The following SVBP variants were observed in gnomAD, a reference collection of about 807,000 sequenced individuals.
SVBP encodes the protein small vasohibin binding protein.
A neutral mutation model predicts 9.2 loss-of-function variants in SVBP; 9 were observed. That is an observed-to-expected ratio of 0.98 (90% CI 0.59 to 1.71). The LOEUF (loss-of-function observed/expected upper bound fraction) is 1.71, where lower values mean the gene tolerates loss of function less well. Among genes scored for constraint, SVBP ranks in the 40% most tolerant of loss-of-function variants. The pLI is 0.00. For synonymous variants in SVBP, 27 were observed against 23.9 expected, an observed-to-expected ratio of 1.13 and a Z score of -0.37; for missense variants, 63 against 73.2, an observed-to-expected ratio of 0.86 and a Z score of 0.51.
At chr1:42,810,436 G>A (rs1455639585) in intron 2 of SVBP, among the ~76,000 whole-genome samples, 1 of 152,132 alleles carries the variant, frequency 6.6e-6, no homozygotes, top group East Asian at 1.9e-4. Flanking sequence ...GTGAGCCACT[G>A]TGCCCGGGCC....
chr1:42,814,202 C>G (rs1325979325), intron 2 of SVBP, among the ~76,000 whole-genome samples: 1 of 129,792 alleles, frequency 7.7e-6, no homozygotes, highest in African/African-American at 3.1e-5. Context: ...CTGCCTCAGC[C>G]TCCCGAGTAG....
chr1:42,815,345 T>C (rs1654175487), intron 2 of SVBP, among the ~76,000 whole-genome samples: 1 of 150,818 alleles, frequency 6.6e-6, no homozygotes, highest in Non-Finnish European at 1.5e-5. Context: ...TGTGCACAGG[T>C]ACCCTAGAAC....
In SVBP at chr1:42,817,258, TC is replaced by T. The variant is rs1220887963; in HGVS notation, c.-106del. ...GCAGACAACGCCTCCGGGAGGGTAA[TC>T]CTCGCCTTCCCCCGACCACTGGACC... On this transcript the variant is annotated 5_prime_UTR_variant, in exon 1 of 3. Coordinates refer to ENST00000372521, the MANE Select transcript of SVBP (RefSeq NM_199342.4). 8.0e-7 allele frequency: 1 copy of T among 1,247,514 alleles called. No individual in the cohort carries two copies. The highest frequency in any genetic ancestry group is 1.0e-6 in the Non-Finnish European group (1 of 968,894). The allele number at this position is 1,247,514 out of a possible 1,614,324, so 77.3% of individuals were successfully genotyped here. A position where few individuals can be genotyped will look rare whatever the true frequency, so the allele number is the denominator to read the frequency against.
At position 42,816,546 on chromosome 1, in the gene SVBP, G is replaced by A. The variant is rs1654214325; in HGVS notation, c.-2C>T. 3.1e-6 allele frequency: 5 copies of A among 1,603,700 alleles called. No individual in the cohort carries two copies. Among genetic ancestry groups the A allele is most frequent in the Non-Finnish European group, 4.3e-6 (5 of 1,170,724 alleles). On this transcript the variant is annotated 5_prime_UTR_variant, in exon 2 of 3. Transcript: ENST00000372521. ...TTCTTTACGTGCAGGTGGATCCATG[G>A]CTTGACTTCTGGATATTTCTTAGGA...
At chr1:42,812,006 C>T (rs139920110) in intron 2 of SVBP, among the ~76,000 whole-genome samples, 17 of 143,898 alleles carry the variant, frequency 1.2e-4, no homozygotes, top group African/African-American at 4.1e-4. Context: ...AATGTTTTAA[C>T]AAGTTACAAG....
intron 2 of SVBP, among the ~76,000 whole-genome samples, chr1:42,811,261 TTAACTACAGGACTCTAC>T (rs1290536072): frequency 6.6e-6 from 1 of 152,200 alleles, no homozygotes; most frequent in Non-Finnish European, 1.5e-5. Flanking sequence ...CTGCCCCTCT[TTAACTACAGGACTCTAC>T]TCACATCCCT....
intron 2 of SVBP, among the ~76,000 whole-genome samples, chr1:42,814,318 C>T (rs570354302): frequency 4.0e-5 from 6 of 151,818 alleles, no homozygotes; most frequent in African/African-American, 1.2e-4. Context: ...TCTCATGATC[C>T]GCCTGCCTCG....
chr1:42,815,117 A>G (rs1654169185), intron 2 of SVBP, among the ~76,000 whole-genome samples: 2 of 151,226 alleles, frequency 1.3e-5, no homozygotes, highest in South Asian at 2.1e-4. Context: ...CTATCGTAAG[A>G]ACAAAAAACC....
At chr1:42,808,230 A>T (rs1654008809) in intron 2 of SVBP, among the ~76,000 whole-genome samples, 1 of 142,782 alleles carries the variant, frequency 7.0e-6, no homozygotes, top group African/African-American at 2.6e-5. Flanking sequence ...TAGAGTGCAT[A>T]TATGTTATAA....
At chr1:42,807,528 T>C (rs201017863) in intron 2 of SVBP, 28 bp from the exon 3 acceptor site, 44 of 1,553,302 alleles carry the variant, frequency 2.8e-5, no homozygotes, top group Non-Finnish European at 3.9e-5. Flanking sequence ...ATACATCTGT[T>C]AGCAATGGAA....
chr1:42,810,503 C>T (rs1432271696), intron 2 of SVBP, among the ~76,000 whole-genome samples: 3 of 152,052 alleles, frequency 2.0e-5, no homozygotes, highest in Non-Finnish European at 4.4e-5. Context: ...TAAGTATTTA[C>T]TGAGCATTTT....
At chr1:42,812,835 C>G (rs1654109299) in intron 2 of SVBP, among the ~76,000 whole-genome samples, 1 of 152,110 alleles carries the variant, frequency 6.6e-6, no homozygotes, top group Admixed American at 6.5e-5. Context: ...GGTAATCTGC[C>G]TATAATTTGC....
Position 42,813,967 on chromosome 1 carries a change from T to C in SVBP, c.114+2464A>G, listed in dbSNP as rs541250741. On this transcript the variant is annotated intron_variant, in intron 2 of 2. Transcript: ENST00000372521. Reference sequence around the variant, plus strand: ...TCAAATGCACTAGTAAGTTTACTTATTATGTTTACTGCCTCCCCTTGCTGG... The same window carrying C: ...TCAAATGCACTAGTAAGTTTACTTACTATGTTTACTGCCTCCCCTTGCTGG... The C allele has an allele frequency of 2.2e-5, 4 of 185,116 alleles. No homozygotes were observed. The South Asian group carries it at 4.0e-4, about 18-fold the overall frequency. 11.5% of individuals were successfully genotyped at this position (185,116 alleles called of 1,614,324 possible).
rs756143342 is a variant in SVBP at position 42,816,588 on chromosome 1, G to T, written c.-36-8C>A. On this transcript the variant is annotated splice_polypyrimidine_tract_variant and splice_region_variant and intron_variant, in intron 1 of 2. Transcript: ENST00000372521. Reference sequence around the variant, plus strand: ...TTCTTAGGAGGCTCTGATCTGGGTGGTACAGAAAGAGGCAGATCTTCAAAA... The same window carrying T: ...TTCTTAGGAGGCTCTGATCTGGGTGTTACAGAAAGAGGCAGATCTTCAAAA... 2 of 1,361,652 alleles carry T rather than the reference G, an allele frequency of 1.5e-6. No homozygotes were observed. Among genetic ancestry groups the T allele is most frequent in the South Asian group, 1.2e-5 (1 of 84,860 alleles). 84.3% of individuals were successfully genotyped at this position (1,361,652 alleles called of 1,614,324 possible). A position where few individuals can be genotyped will look rare whatever the true frequency, so the allele number is the denominator to read the frequency against.
At chr1:42,814,576 A>G (rs1654156598) in intron 2 of SVBP, among the ~76,000 whole-genome samples, 1 of 149,138 alleles carries the variant, frequency 6.7e-6, no homozygotes, top group Middle Eastern at 3.5e-3. Flanking sequence ...AGATCACGCC[A>G]CTGCACTCCA....
At position 42,817,357 on chromosome 1, in the gene SVBP, C is replaced by T. The variant is rs917026107; in HGVS notation, c.-204G>A. ...GGGGGGAGGGGCGCAGGGCCGAGCG[C>T]CAGGAGGCTTCCGCCCGCAGGAGCG... On this transcript the variant is annotated 5_prime_UTR_variant, in exon 1 of 3. Coordinates refer to ENST00000372521, the MANE Select transcript of SVBP (RefSeq NM_199342.4). 1.3e-6 allele frequency: 1 copy of T among 742,420 alleles called. No individual in the cohort carries two copies. Among genetic ancestry groups the T allele is most frequent in the African/African-American group, 1.9e-5 (1 of 51,398 alleles). 46.0% of individuals were successfully genotyped at this position (742,420 alleles called of 1,614,324 possible).
chr1:42,808,502 A>G (rs1654015932), intron 2 of SVBP, among the ~76,000 whole-genome samples: 2 of 146,448 alleles, frequency 1.4e-5, no homozygotes, highest in Admixed American at 1.4e-4. Context: ...TATATGGTAT[A>G]CTTGCAACCT....
At chr1:42,810,095 A>C (rs1408189279) in intron 2 of SVBP, among the ~76,000 whole-genome samples, 3 of 143,912 alleles carry the variant, frequency 2.1e-5, no homozygotes, top group South Asian at 4.5e-4. Flanking sequence ...ATATACTTTT[A>C]ACACACACAC....
chr1:42,813,230 C>T (rs1557599230), intron 2 of SVBP, among the ~76,000 whole-genome samples: 1 of 152,108 alleles, frequency 6.6e-6, no homozygotes, highest in South Asian at 2.1e-4. Context: ...TTAAATAAAT[C>T]TTTTCAAAAT....
Sources: allele counts gnomAD v4.1 joint callset (sites outside exome capture counted in the v4.1 genomes callset), GRCh38; gene constraint gnomAD v4.1.1; transcripts MANE v1.5; gene names NCBI Gene and HGNC (gene_info 2026-07-23, HGNC 2026-07-21).